ADAMTSL3: variants seen among roughly 807,000 people sequenced by gnomAD.
ADAMTSL3 encodes the protein ADAMTS like 3.
Under a neutral mutation model 201.7 loss-of-function variants are expected in ADAMTSL3, and 128 were observed. The ratio of observed to expected loss-of-function variants is 0.63; its 90% CI spans 0.55 to 0.73. The LOEUF is 0.73. Ranked by LOEUF, ADAMTSL3 falls within the 30% of genes least tolerant of loss-of-function variation. The pLI is 0.00. For synonymous variants in ADAMTSL3, 738 were observed against 748.4 expected, an observed-to-expected ratio of 0.99 and a Z score of 0.23; for missense variants, 1,990 against 2,119.6, an observed-to-expected ratio of 0.94 and a Z score of 1.20.
At chr15:83,770,206 TTATC>T (rs2062957819) in intron 3 of ADAMTSL3, among the ~76,000 whole-genome samples, 1 of 152,200 alleles carries the variant, frequency 6.6e-6, no homozygotes, top group African/African-American at 2.4e-5. Flanking sequence ...TTTAATATGA[TTATC>T]TAATGATTGT....
chr15:83,758,810 C>A (rs777934996), intron 3 of ADAMTSL3, among the ~76,000 whole-genome samples: 1 of 151,916 alleles, frequency 6.6e-6, no homozygotes, highest in Admixed American at 6.6e-5. Context: ...GGATATTAAC[C>A]CCTTGTCAGA....
intron 2 of ADAMTSL3, among the ~76,000 whole-genome samples, chr15:83,699,242 T>A (rs2061732401): frequency 6.6e-6 from 1 of 152,160 alleles, no homozygotes; most frequent in Non-Finnish European, 1.5e-5. Context: ...CATGGATGTT[T>A]TATGGACACC....
At chr15:83,771,365 A>C (rs1395322319) in intron 3 of ADAMTSL3, among the ~76,000 whole-genome samples, 2 of 152,148 alleles carry the variant, frequency 1.3e-5, no homozygotes, top group Non-Finnish European at 2.9e-5. Context: ...TTATAAGTAC[A>C]ATGTTGAAAA....
chr15:83,903,928 A>AGGG (rs1567226013), intron 15 of ADAMTSL3, among the ~76,000 whole-genome samples: 1 of 63,672 alleles, frequency 1.6e-5, no homozygotes, highest in Non-Finnish European at 2.9e-5. Flanking sequence ...AAAAAAAAAA[A>AGGG]AAAAAAAAAA....
At chr15:83,816,419 G>A (rs547552671) in intron 5 of ADAMTSL3, among the ~76,000 whole-genome samples, 4 of 152,294 alleles carry the variant, frequency 2.6e-5, no homozygotes, top group Non-Finnish European at 2.9e-5. Context: ...GACATCCTAA[G>A]GTGTCTTCCG....
intron 15 of ADAMTSL3, among the ~76,000 whole-genome samples, chr15:83,904,936 A>G (rs1388580315): frequency 6.6e-6 from 1 of 152,242 alleles, no homozygotes; most frequent in Non-Finnish European, 1.5e-5. Flanking sequence ...TCTAACAACA[A>G]CAATGATAAC....
Position 83,874,991 on chromosome 15 carries a change from G to A in ADAMTSL3, c.960+4032G>A, listed in dbSNP as rs2065152243. Among the ~76,000 whole-genome samples the A allele has an allele frequency of 2.3e-5, 3 of 130,448 alleles. 1 individual carries two copies. Among genetic ancestry groups the A allele is most frequent in the Non-Finnish European group, 5.0e-5 (3 of 60,288 alleles). The allele number at this position is 130,448 out of a possible 152,430, so 85.6% of individuals were successfully genotyped here. A position where few individuals can be genotyped will look rare whatever the true frequency, so the allele number is the denominator to read the frequency against. ...AGTAGACCTTTTACCACCTCTCATC[G>A]ACAAGAATTGGGTCACGTGCCCACT... On this transcript the variant is annotated intron_variant, in intron 9 of 29. Transcript: ENST00000286744.
chr15:84,029,137 G>T (rs2068359145), intron 27 of ADAMTSL3, among the ~76,000 whole-genome samples: 1 of 152,188 alleles, frequency 6.6e-6, no homozygotes, highest in Non-Finnish European at 1.5e-5. Context: ...TTGCTATAAA[G>T]ATACCCAAAA....
chr15:83,704,260 G>A (rs1323551845), intron 2 of ADAMTSL3, 129 bp from the exon 3 acceptor site: 28 of 1,401,574 alleles, frequency 2.0e-5, no homozygotes, highest in Non-Finnish European at 2.4e-5. Flanking sequence ...GCCAAGAGAG[G>A]TCACTTCCCT....
rs186130483 is a variant in ADAMTSL3, at chr15:83,744,504, A to G, written c.190-29019A>G. Among the ~76,000 whole-genome samples, 9 of 152,332 alleles carry G rather than the reference A, an allele frequency of 5.9e-5. No individual in the cohort carries two copies. In the East Asian group the frequency reaches 1.7e-3, roughly 29 times the overall value. The stretch of plus-strand genomic sequence containing the variant: ...TAATTGGCAAAAATTGTATATATTC[A>G]TGATGTACAACATGATGTTTTGAAA... On this transcript the variant is annotated intron_variant, in intron 3 of 29. Transcript: ENST00000286744.
chr15:83,920,087 A>G (rs2141980088), intron 16 of ADAMTSL3, among the ~76,000 whole-genome samples: 1 of 152,310 alleles, frequency 6.6e-6, no homozygotes, highest in East Asian at 1.9e-4. Context: ...TGTATGTATG[A>G]ATGATACTGA....
intron 15 of ADAMTSL3, among the ~76,000 whole-genome samples, chr15:83,907,033 G>T (rs1028393611): frequency 3.4e-5 from 5 of 148,548 alleles, no homozygotes; most frequent in Admixed American, 1.4e-4. Context: ...GTTCAAGGCT[G>T]CATTGAGCCG....
chr15:83,779,065 T>C (rs1167650922), intron 4 of ADAMTSL3, among the ~76,000 whole-genome samples: 2 of 152,132 alleles, frequency 1.3e-5, no homozygotes, highest in Non-Finnish European at 2.9e-5. Context: ...AAGACCGAAC[T>C]ATCCTAAATA....
chr15:83,706,883 G>A (rs2061860158), intron 3 of ADAMTSL3, among the ~76,000 whole-genome samples: 1 of 151,598 alleles, frequency 6.6e-6, no homozygotes, highest in African/African-American at 2.4e-5. Context: ...TGACCAGGTT[G>A]GCCTCAAACT....
rs373524075 is a variant in ADAMTSL3 at position 83,916,500 on chromosome 15, A to G, written c.1987+3122A>G. Among the ~76,000 whole-genome samples the G allele has an allele frequency of 2.2e-4, 33 of 152,310 alleles. No individual in the cohort carries two copies. In the East Asian group the frequency reaches 5.8e-3, roughly 27 times the overall value. On this transcript the variant is annotated intron_variant, in intron 16 of 29. Transcript: ENST00000286744. The stretch of plus-strand genomic sequence containing the variant: ...GCTTCTTAGCTTTACAAAAAGTAAT[A>G]TTTTTAATTTCTTGGGTTAAAAAGT...
chr15:83,928,011 T>C (rs1400954031), intron 17 of ADAMTSL3, among the ~76,000 whole-genome samples: 1 of 152,046 alleles, frequency 6.6e-6, no homozygotes, highest in Non-Finnish European at 1.5e-5. Flanking sequence ...GGTCTCTCTC[T>C]GTTGCTCAGG....
chr15:83,687,384 T>C (rs1475709935), intron 2 of ADAMTSL3, among the ~76,000 whole-genome samples: 1 of 152,198 alleles, frequency 6.6e-6, no homozygotes. Flanking sequence ...AAGTACTTAT[T>C]TTACATTTTC....
chr15:83,866,696 A>T (rs2064986985), intron 8 of ADAMTSL3, among the ~76,000 whole-genome samples: 1 of 152,222 alleles, frequency 6.6e-6, no homozygotes, highest in South Asian at 2.1e-4. Context: ...CCAACATGGC[A>T]CATGTATACA....
intron 13 of ADAMTSL3, among the ~76,000 whole-genome samples, chr15:83,896,313 G>T (rs1319515038): frequency 1.3e-5 from 2 of 152,108 alleles, no homozygotes; most frequent in Non-Finnish European, 2.9e-5. Flanking sequence ...AGAATTAGTG[G>T]GGTCTGAAGT....
Sources: allele counts gnomAD v4.1 joint callset (sites outside exome capture counted in the v4.1 genomes callset), GRCh38; gene constraint gnomAD v4.1.1; transcripts MANE v1.5; gene names NCBI Gene and HGNC (gene_info 2026-07-23, HGNC 2026-07-21).